Variants in ANO9 observed in about 807,000 individuals in gnomAD.
ANO9 encodes the protein anoctamin 9, also known as anoctamin-9.
A neutral mutation model predicts 100.5 loss-of-function variants in ANO9; 80 were observed. That is an observed-to-expected ratio of 0.80 (90% CI 0.66 to 0.96). The LOEUF is 0.96. Ranked by LOEUF, ANO9 falls within the 40% of genes least tolerant of loss-of-function variation. The pLI, the probability that ANO9 is intolerant of heterozygous loss-of-function variation, is 0.00. For missense variants in ANO9, 1,064 were observed against 1,072.7 expected, an observed-to-expected ratio of 0.99 and a Z score of 0.11; for synonymous variants, 473 against 435.6, an observed-to-expected ratio of 1.09 and a Z score of -1.07.
At chr11:436,314 G>A (rs1346847305) in intron 1 of ANO9, among the ~76,000 whole-genome samples, 6 of 152,086 alleles carry the variant, frequency 3.9e-5, no homozygotes, top group Middle Eastern at 3.4e-3. Flanking sequence ...TGATCCACCC[G>A]CCTCGGCCTC....
At position 419,839 on chromosome 11, in the gene ANO9, C is replaced by A. The variant is rs1440051879; in HGVS notation, c.1787-110G>T. 9.2e-6 allele frequency: 14 copies of A among 1,518,274 alleles called. No individual in the cohort carries two copies. The East Asian group carries it at 3.3e-4, about 35-fold the overall frequency. 94.1% of individuals were successfully genotyped at this position (1,518,274 alleles called of 1,614,324 possible). ...CCTGCCGTGTCTCTGTGCGTGGTGTCCCCTTGCAGCCCTAGGGCTGCAGTA... is the reference window on the plus strand; with the variant it reads ...CCTGCCGTGTCTCTGTGCGTGGTGTACCCTTGCAGCCCTAGGGCTGCAGTA... On this transcript the variant is annotated intron_variant, in intron 19 of 22. Coordinates refer to ENST00000332826, the MANE Select transcript of ANO9 (RefSeq NM_001012302.3).
intron 20 of ANO9, 141 bp downstream of exon 20, chr11:419,440 AC>A: frequency 7.0e-7 from 1 of 1,436,304 alleles, no homozygotes; most frequent in Non-Finnish European, 9.1e-7. Flanking sequence ...GGCAGGGGCC[AC>A]CCCCAGGCCC....
At position 432,310 on chromosome 11, in the gene ANO9, G is replaced by T; in HGVS notation, c.351-256C>A. The T allele has an allele frequency of 3.7e-6, 2 of 535,610 alleles. No individual in the cohort carries two copies. Among genetic ancestry groups the T allele is most frequent in the Non-Finnish European group, 3.4e-6 (1 of 296,700 alleles). The allele number at this position is 535,610 out of a possible 1,614,324, so 33.2% of individuals were successfully genotyped here. A position where few individuals can be genotyped will look rare whatever the true frequency, so the allele number is the denominator to read the frequency against. ...GGGCTGGGGGCTCCTTCTCCTCCCA[G>T]CCCGTCCCTCCCAGAAGCCCAGACC... On this transcript the variant is annotated intron_variant, in intron 4 of 22. Transcript: ENST00000332826. This position sits in a 1 kb window ranked among gnomAD's most constrained non-coding sequence, Gnocchi z 4.8.
Position 420,581 on chromosome 11 carries a change from G to A in ANO9, c.1668C>T (p.Ala556=). ...IQYGFTTIFV[A]AFPLAPLLAL... is the part of the protein sequence containing the mutation. ...CGAGCAGCGGCGCCAGCGGGAAGGC[G>A]GCCACGAAGATGGTGGTGAAGCCGT... The change falls in exon 19 of 23, where the codon GCC becomes GCT. Residue 556 remains alanine (A), a synonymous_variant. Coordinates refer to ENST00000332826, the MANE Select transcript of ANO9 (RefSeq NM_001012302.3). 6.2e-7 allele frequency: 1 copy of A among 1,605,156 alleles called. No individual in the cohort carries two copies. The highest frequency in any genetic ancestry group is 8.5e-7 in the Non-Finnish European group (1 of 1,179,522).
chr11:430,197 A>C lies in ANO9; in HGVS notation c.675-18T>G. ...TCTCCTTGCTGAAGGGGCAGGGATG[A>C]GGCTGGGGTCGGCTCCTCCAGGCAG... On this transcript the variant is annotated intron_variant, in intron 8 of 22. Transcript: ENST00000332826. 6.4e-7 allele frequency: 1 copy of C among 1,550,674 alleles called. No homozygotes were observed. Among genetic ancestry groups the C allele is most frequent in the Non-Finnish European group, 8.7e-7 (1 of 1,147,446 alleles).
rs1309948148 is a variant in ANO9 at position 433,931 on chromosome 11, C to T, written c.88G>A (p.Ala30Thr). The T allele has an allele frequency of 1.9e-6, 3 of 1,561,084 alleles. No homozygotes were observed. The highest frequency in any genetic ancestry group is 2.7e-5 in the African/African-American group (2 of 74,132). The change falls in exon 3 of 23, where the codon GCC becomes ACC. Residue 30 changes from alanine (A) to threonine (T), a missense_variant. Ala to Thr is a moderately conservative substitution (Grantham distance 58). Coordinates refer to ENST00000332826, the MANE Select transcript of ANO9 (RefSeq NM_001012302.3). ...AGGACATAGTCCCACTGCTCGGAGGCCTCGGTCTGCAGGGAGGAGGCATGG... is the reference window on the plus strand; with the variant it reads ...AGGACATAGTCCCACTGCTCGGAGGTCTCGGTCTGCAGGGAGGAGGCATGG... ...LMEISTCETE[A>T]SEQWDYVLVA...
In ANO9 at chr11:421,053, A is replaced by G. The variant is rs746940467; in HGVS notation, c.1393-11T>C. Reference sequence around the variant, plus strand: ...GCCGCTGGCGTGGCACTGCGGGGCCAGACAGGAGGAGATCAGGGAGGGGTC... The same window carrying G: ...GCCGCTGGCGTGGCACTGCGGGGCCGGACAGGAGGAGATCAGGGAGGGGTC... On this transcript the variant is annotated splice_polypyrimidine_tract_variant and intron_variant, in intron 16 of 22. Transcript: ENST00000332826. The surrounding 1 kb of genome is among the most constrained non-coding windows in gnomAD (Gnocchi z 6.8). The G allele has an allele frequency of 6.3e-7, 1 of 1,597,490 alleles. No homozygotes were observed. Among genetic ancestry groups the G allele is most frequent in the Non-Finnish European group, 8.6e-7 (1 of 1,168,092 alleles).
Position 419,791 on chromosome 11 carries a change from C to G in ANO9, c.1787-62G>C. ...GTCCCTCGGCTGGTTCTGCCCTCAC[C>G]CCCACCCCCGGCCAACACGGGGCCT... On this transcript the variant is annotated intron_variant, in intron 19 of 22. Coordinates refer to ENST00000332826, the MANE Select transcript of ANO9 (RefSeq NM_001012302.3). 2.5e-6 allele frequency: 4 copies of G among 1,581,570 alleles called. No individual in the cohort carries two copies. The South Asian group carries it at 4.6e-5, about 18-fold the overall frequency.
Position 418,453 on chromosome 11 carries a change from C to T in ANO9, c.2267G>A (p.Gly756Glu). The T allele has an allele frequency of 6.2e-7, 1 of 1,612,808 alleles. No individual in the cohort carries two copies. Among genetic ancestry groups the T allele is most frequent in the East Asian group, 2.2e-5 (1 of 44,888 alleles). The change falls in exon 23 of 23, where the codon GGG (glycine) becomes GAG (glutamate). Residue 756 changes from glycine to glutamate, a missense_variant. Physicochemically the swap from Gly to Glu is moderately conservative, Grantham distance 98. Transcript: ENST00000332826. The stretch of plus-strand genomic sequence containing the variant: ...TGGGGGCCGAGAGCCTGCCCCCACC[C>T]CACCCAGCCTCTGCCTTCCATGCCA... ...KMWHGRQRLG[G>E]VGAGSRPPMP...
chr11:438,459 T>C (rs7480899), intron 1 of ANO9, among the ~76,000 whole-genome samples: 119,059 of 139,412 alleles, frequency 0.85, 50,741 homozygotes, highest in East Asian at 0.99. Flanking sequence ...AGCCACCCCC[T>C]GACACACACA....
intron 15 of ANO9, among the ~76,000 whole-genome samples, chr11:427,747 G>A (rs1205297188): frequency 5.9e-5 from 9 of 151,724 alleles, no homozygotes; most frequent in African/African-American, 1.9e-4. Flanking sequence ...TGTATACGAG[G>A]ATGTGTGGGC....
chr11:433,148 G>A, intron 4 of ANO9, 166 bp downstream of exon 4: 1 of 879,916 alleles, frequency 1.1e-6, no homozygotes, highest in Non-Finnish European at 1.7e-6. Context: ...GGAAGCTGAG[G>A]CTCACACAGC....
At chr11:436,360 C>G (rs1212651069) in intron 1 of ANO9, among the ~76,000 whole-genome samples, 1 of 152,108 alleles carries the variant, frequency 6.6e-6, no homozygotes, top group Non-Finnish European at 1.5e-5. Flanking sequence ...AGCCACCACG[C>G]CCGGCCCTGT....
rs1375455585 is a variant in ANO9 at position 418,957 on chromosome 11, G to A, written c.1967C>T (p.Ser656Phe). The change falls in exon 21 of 23, where the codon TCC (serine) becomes TTC (phenylalanine). Residue 656 changes from serine (S) to phenylalanine (F), a missense_variant. Transcript: ENST00000332826. ...CLKGYVNHSL[S>F]VFHTKDFQDP... ...CTGGAAGTCCTTGGTGTGGAAGACGGACAGGCTGTGGTTGACGTAGCCCTT... is the reference window on the plus strand; with the variant it reads ...CTGGAAGTCCTTGGTGTGGAAGACGAACAGGCTGTGGTTGACGTAGCCCTT... 3 of 1,612,794 alleles carry A rather than the reference G, an allele frequency of 1.9e-6. No homozygotes were observed. Among genetic ancestry groups the A allele is most frequent in the Non-Finnish European group, 2.5e-6 (3 of 1,179,722 alleles).
At chr11:425,746 T>G (rs1401398081) in intron 15 of ANO9, among the ~76,000 whole-genome samples, 3 of 152,142 alleles carry the variant, frequency 2.0e-5, no homozygotes, top group Admixed American at 6.5e-5. Flanking sequence ...GTTTTGTTTT[T>G]TTTGAGACGG....
chr11:433,355 G>T lies in ANO9; in HGVS notation c.309C>A (p.His103Gln), dbSNP rs145003945. 1.4e-5 allele frequency: 23 copies of T among 1,612,916 alleles called. No homozygotes were observed. Among genetic ancestry groups the T allele is most frequent in the Non-Finnish European group, 1.9e-5 (23 of 1,179,850 alleles). Residue 103 changes from histidine (H) to glutamine (Q), a missense_variant, in exon 4 of 23, where the codon CAC becomes CAA. His to Gln is a conservative substitution (Grantham distance 24). Transcript: ENST00000332826. ...LLLEPEGPAP[H>Q]AELAAPTTIP... ...TGGTGGTCGGCGCGGCCAGCTCGGC[G>T]TGGGGGGCAGGCCCCTCAGGCTCCA... is the stretch of plus-strand genomic sequence containing the variant.
At chr11:437,054 T>TGCGCGGGGGGG (rs1845394654) in intron 1 of ANO9, among the ~76,000 whole-genome samples, 1 of 96,008 alleles carries the variant, frequency 1.0e-5, no homozygotes. Flanking sequence ...GCGTGGGGGG[T>TGCGCGGGGGGG]GAGCTGGGGG....
intron 7 of ANO9, among the ~76,000 whole-genome samples, chr11:431,370 T>G (rs1590477802): frequency 1.8e-5 from 1 of 55,874 alleles, no homozygotes; most frequent in African/African-American, 6.9e-5. Flanking sequence ...TGCGGGGGTG[T>G]GGGGGCTCCC....
In ANO9 at chr11:428,107, T is replaced by A. The variant is rs774184253; in HGVS notation, c.1315A>T (p.Ile439Phe). Residue 439 changes from isoleucine to phenylalanine, a missense_variant, in exon 15 of 23, where the codon ATC becomes TTC. Physicochemically the swap from Ile to Phe is conservative, Grantham distance 21. Coordinates refer to ENST00000332826, the MANE Select transcript of ANO9 (RefSeq NM_001012302.3). ...CCCTACCTGCCCAGGATGAAGGCGA[T>A]GTAGATGAGAGACGAGAAATGGGTG... ...FFTHFSSLIY[I>F]AFILGRINGH... The A allele has an allele frequency of 1.2e-6, 2 of 1,608,706 alleles. No individual in the cohort carries two copies. Among genetic ancestry groups the A allele is most frequent in the East Asian group, 4.5e-5 (2 of 44,588 alleles).
Sources: gnomAD v4.1 joint callset for allele counts (sites outside exome capture counted in the v4.1 genomes callset) on GRCh38, gnomAD v4.1.1 for gene constraint, Gnocchi (gnomAD v3.1) non-coding constraint, MANE v1.5 for transcripts, NCBI Gene and HGNC (gene_info 2026-07-23, HGNC 2026-07-21) for gene names.